Variants in HS2ST1 observed in about 807,000 individuals in gnomAD.
The protein encoded by HS2ST1 is 2-O-sulfotransferase.
In HS2ST1, 18 loss-of-function variants were observed where a neutral mutation model predicts 42.9. The observed-to-expected ratio is 0.42, with a 90% CI of 0.29 to 0.62. The LOEUF (loss-of-function observed/expected upper bound fraction) is 0.62. HS2ST1 is among the 20% of genes least tolerant of loss of function. The pLI is 0.21. For synonymous variants in HS2ST1, 146 were observed against 152.9 expected (o/e 0.95, Z 0.33); for missense variants, 334 against 433.8 (o/e 0.77, Z 2.04).
intron 1 of HS2ST1, among the ~76,000 whole-genome samples, chr1:86,996,155 A>G (rs1649089642): frequency 6.6e-6 from 1 of 152,122 alleles, no homozygotes; most frequent in Non-Finnish European, 1.5e-5. Flanking sequence ...TAAAAGAAGT[A>G]CCAAAGGCCA....
chr1:87,026,899 A>T (rs1221469509), intron 1 of HS2ST1, among the ~76,000 whole-genome samples: 2 of 152,186 alleles, frequency 1.3e-5, no homozygotes, highest in African/African-American at 4.8e-5. Context: ...CCCATTCATT[A>T]AGATATTGAT....
intron 1 of HS2ST1, among the ~76,000 whole-genome samples, chr1:87,003,909 T>C (rs1649359651): frequency 6.6e-6 from 1 of 152,172 alleles, no homozygotes; most frequent in South Asian, 2.1e-4. Flanking sequence ...TTGCCAGAGT[T>C]CCTAAAACCA....
At chr1:86,965,924 G>A (rs539894761) in intron 1 of HS2ST1, among the ~76,000 whole-genome samples, 9 of 152,316 alleles carry the variant, frequency 5.9e-5, no homozygotes, top group African/African-American at 2.2e-4. Flanking sequence ...ATTTTGGGAA[G>A]ATACTTTGTG....
intron 3 of HS2ST1, among the ~76,000 whole-genome samples, chr1:87,091,626 G>A (rs1022557113): frequency 6.6e-6 from 1 of 151,958 alleles, no homozygotes; most frequent in African/African-American, 2.4e-5. Flanking sequence ...AAAAAGGGAA[G>A]TGGTAAAGAG....
chr1:87,007,980 AT>A (rs1246621318), intron 1 of HS2ST1, among the ~76,000 whole-genome samples: 1 of 152,142 alleles, frequency 6.6e-6, no homozygotes, highest in Non-Finnish European at 1.5e-5. Flanking sequence ...AAAAAATTTT[AT>A]TTGTAATTTT....
intron 6 of HS2ST1, 71 bp downstream of exon 6, chr1:87,103,660 G>C: frequency 7.9e-7 from 1 of 1,263,598 alleles, no homozygotes; most frequent in Non-Finnish European, 1.1e-6. Flanking sequence ...TTGTAAATAT[G>C]TGATTTGAAG....
At chr1:86,986,914 A>G (rs1443319023) in intron 1 of HS2ST1, among the ~76,000 whole-genome samples, 3 of 152,108 alleles carry the variant, frequency 2.0e-5, no homozygotes, top group Non-Finnish European at 2.9e-5. Context: ...TAGAAAAATA[A>G]TAACACCACC....
At chr1:86,936,725 A>G (rs143747103) in intron 1 of HS2ST1, among the ~76,000 whole-genome samples, 127 of 152,240 alleles carry the variant, frequency 8.3e-4, no homozygotes, top group African/African-American at 3.0e-3. Flanking sequence ...TTCTATTGCA[A>G]TAGAAAAGAT....
At chr1:87,046,214 G>C in intron 1 of HS2ST1, 1 of 876,226 alleles carries the variant, frequency 1.1e-6, no homozygotes. Flanking sequence ...GAACTGCTGG[G>C]TATCTTGGAC....
chr1:87,056,704 ATTGTATAAT>A (rs780313546), intron 1 of HS2ST1, among the ~76,000 whole-genome samples: 2 of 152,210 alleles, frequency 1.3e-5, no homozygotes, highest in Non-Finnish European at 2.9e-5. Flanking sequence ...GATTTTTTAA[ATTGTATAAT>A]TTTTATTATA....
At chr1:87,019,807 G>A (rs1268547519) in intron 1 of HS2ST1, among the ~76,000 whole-genome samples, 1 of 152,146 alleles carries the variant, frequency 6.6e-6, no homozygotes, top group Non-Finnish European at 1.5e-5. Context: ...TTTTAAACAA[G>A]TACTTCACTT....
chr1:87,096,705 A>T (rs557867530), intron 4 of HS2ST1, among the ~76,000 whole-genome samples: 7 of 152,186 alleles, frequency 4.6e-5, no homozygotes, highest in Admixed American at 4.6e-4. Context: ...GAGAACGAGA[A>T]TTGCCTTCAA....
chr1:87,046,062 C>A (rs774249853), intron 1 of HS2ST1: 20 of 664,902 alleles, frequency 3.0e-5, no homozygotes, highest in Non-Finnish European at 5.2e-5. Context: ...GGTTGCCTAC[C>A]ATGACAGCAT....
chr1:87,053,836 T>C lies in HS2ST1; in HGVS notation c.125-19098T>C, dbSNP rs1349814112. ...TGTATTGCACATATGTTATAGGTAA[T>C]GTTGGTAATACAGATATTTAGAACC... On this transcript the variant is annotated intron_variant, in intron 1 of 6. Transcript: ENST00000370550. 2.6e-5 allele frequency among the ~76,000 whole-genome samples: 4 copies of C among 152,338 alleles called. No individual in the cohort carries two copies. The East Asian group carries it at 7.7e-4, about 29-fold the overall frequency.
At chr1:86,986,364 A>G (rs1648785501) in intron 1 of HS2ST1, among the ~76,000 whole-genome samples, 1 of 152,138 alleles carries the variant, frequency 6.6e-6, no homozygotes, top group South Asian at 2.1e-4. Flanking sequence ...TTATTGCTTG[A>G]AAATTGTTCT....
intron 1 of HS2ST1, among the ~76,000 whole-genome samples, chr1:86,927,700 G>A (rs1314171184): frequency 1.3e-5 from 2 of 152,134 alleles, no homozygotes; most frequent in East Asian, 3.8e-4. Context: ...TGCTTGGTAT[G>A]GTTAAGGATT....
intron 1 of HS2ST1, among the ~76,000 whole-genome samples, chr1:86,970,474 C>G (rs572859073): frequency 4.5e-4 from 69 of 152,162 alleles, no homozygotes; most frequent in African/African-American, 1.5e-3. Flanking sequence ...GATCTCAGAT[C>G]ACTGCAGCCT....
chr1:86,981,771 T>A (rs1648600123), intron 1 of HS2ST1, among the ~76,000 whole-genome samples: 2 of 152,218 alleles, frequency 1.3e-5, no homozygotes, highest in African/African-American at 4.8e-5. Context: ...GCCTGCAGCG[T>A]TTCCAGGTAC....
intron 1 of HS2ST1, among the ~76,000 whole-genome samples, chr1:86,980,731 AG>A (rs1238554456): frequency 6.6e-6 from 1 of 152,204 alleles, no homozygotes; most frequent in Non-Finnish European, 1.5e-5. Flanking sequence ...TTTTAGCTCT[AG>A]GAAGGTAGTT....
Sources: gnomAD v4.1 joint callset for allele counts (sites outside exome capture counted in the v4.1 genomes callset) on GRCh38, gnomAD v4.1.1 for gene constraint, MANE v1.5 for transcripts, NCBI Gene and HGNC (gene_info 2026-07-23, HGNC 2026-07-21) for gene names.